Variants in TCF4 observed in about 807,000 individuals in gnomAD.
The protein encoded by TCF4 is transcription factor 4, also known as SL3-3 enhancer factor 2.
In TCF4, 3 loss-of-function variants were observed where a neutral mutation model predicts 82.1. The ratio of observed to expected loss-of-function variants is 0.04; its 90% CI spans 0.02 to 0.09. The LOEUF is 0.09. Ranked by LOEUF, TCF4 falls within the 10% of genes least tolerant of loss-of-function variation. The pLI, the probability that TCF4 is intolerant of heterozygous loss-of-function variation, is 1.00. For missense variants in TCF4, 518 were observed against 852.7 expected, an observed-to-expected ratio of 0.61 and a Z score of 4.89; for synonymous variants, 276 against 309.6, an observed-to-expected ratio of 0.89 and a Z score of 1.14.
At chr18:55,482,346 T>A (rs1291605899) in intron 3 of TCF4, 1 of 152,206 alleles carries the variant, frequency 6.6e-6, no homozygotes, top group Non-Finnish European at 1.5e-5. Context: ...ATGCATGGAT[T>A]TGCTTAGGCC....
intron 1 of TCF4, among the ~76,000 whole-genome samples, chr18:55,634,996 A>G (rs1368534575): frequency 6.6e-6 from 1 of 152,188 alleles, no homozygotes; most frequent in Non-Finnish European, 1.5e-5. Flanking sequence ...ATGACATCCA[A>G]ATGGAGGTGT....
At chr18:55,519,976 T>C (rs750677032) in intron 3 of TCF4, among the ~76,000 whole-genome samples, 2 of 152,208 alleles carry the variant, frequency 1.3e-5, no homozygotes, top group African/African-American at 4.8e-5. Flanking sequence ...TTTAGTGCTA[T>C]AAGAATCTTC....
At position 55,222,480 on chromosome 18, in the gene TCF4, C is replaced by T. The variant is rs1431968756; in HGVS notation, c.*5555G>A. ...TATCTGCAAACAGTCCAACCAAAAA[C>T]GAAAAAAAAAAAAATCCCAACATTT... On this transcript the variant is annotated 3_prime_UTR_variant, in exon 20 of 20. Transcript: ENST00000354452. 3.0e-5 allele frequency: 4 copies of T among 132,638 alleles called. No individual in the cohort carries two copies. Among genetic ancestry groups the T allele is most frequent in the South Asian group, 4.6e-4 (2 of 4,346 alleles). 8.2% of individuals were successfully genotyped at this position (132,638 alleles called of 1,614,324 possible). A position where few individuals can be genotyped will look rare whatever the true frequency, so the allele number is the denominator to read the frequency against.
intron 3 of TCF4, among the ~76,000 whole-genome samples, chr18:55,547,387 T>C (rs1331441727): frequency 1.3e-5 from 2 of 152,198 alleles, no homozygotes; most frequent in Admixed American, 6.5e-5. Context: ...CAATAAAACA[T>C]TCTGATGGGT....
chr18:55,485,413 A>G (rs2096499238), intron 3 of TCF4, among the ~76,000 whole-genome samples: 2 of 152,198 alleles, frequency 1.3e-5, no homozygotes, highest in South Asian at 2.1e-4. Flanking sequence ...GGATAAATCT[A>G]GACTTCATCT....
intron 6 of TCF4, among the ~76,000 whole-genome samples, chr18:55,357,918 T>C (rs112228870): frequency 1.2e-4 from 18 of 152,310 alleles, no homozygotes; most frequent in Non-Finnish European, 2.9e-5. Flanking sequence ...TGGGCGGAAA[T>C]TGAGATTATC....
At chr18:55,293,128 T>C (rs1045896692) in intron 8 of TCF4, among the ~76,000 whole-genome samples, 1 of 152,036 alleles carries the variant, frequency 6.6e-6, no homozygotes, top group Non-Finnish European at 1.5e-5. Context: ...ATTATGTGAC[T>C]TTCACCTCAA....
At chr18:55,495,551 A>G (rs1046102927) in intron 3 of TCF4, 2 of 152,180 alleles carry the variant, frequency 1.3e-5, no homozygotes, top group Admixed American at 1.3e-4. Flanking sequence ...TTATTAAAAG[A>G]AAAATGTGAA....
chr18:55,358,457 T>C (rs901265605), intron 6 of TCF4, among the ~76,000 whole-genome samples: 3 of 152,226 alleles, frequency 2.0e-5, no homozygotes, highest in Admixed American at 6.5e-5. Context: ...TCACAGTGTC[T>C]GCTAAGTGCC....
At chr18:55,272,455 CA>C (rs2060578485) in intron 10 of TCF4, among the ~76,000 whole-genome samples, 1 of 151,996 alleles carries the variant, frequency 6.6e-6, no homozygotes, top group Non-Finnish European at 1.5e-5. Flanking sequence ...AGGAGTGTGA[CA>C]AAGTGCGAGG....
intron 5 of TCF4, 120 bp downstream of exon 5, chr18:55,460,899 A>G: frequency 1.2e-6 from 1 of 830,968 alleles, no homozygotes; most frequent in Non-Finnish European, 2.0e-6. Context: ...GATTATTACA[A>G]GTGAACTGAC....
At chr18:55,350,567 A>T (rs1478010100) in intron 7 of TCF4, among the ~76,000 whole-genome samples, 159 bp from the exon 8 acceptor site, 1 of 152,180 alleles carries the variant, frequency 6.6e-6, no homozygotes, top group East Asian at 1.9e-4. Flanking sequence ...CAGAAATCAA[A>T]TTCTGCTTTG....
chr18:55,607,055 G>C (rs1051133714), intron 2 of TCF4, among the ~76,000 whole-genome samples: 1 of 152,146 alleles, frequency 6.6e-6, no homozygotes, highest in Non-Finnish European at 1.5e-5. Flanking sequence ...AGCACAGTAG[G>C]CACAATGGGT....
rs2097735827 is a variant in TCF4, at chr18:55,635,814, C to CT, written c.83dup (p.Met29AspfsTer6). 1 of 1,556,044 alleles carries CT rather than the reference C, an allele frequency of 6.4e-7. No individual in the cohort carries two copies. Reference sequence around the variant, plus strand: ...GCTGGCTTTCAACTGCACCCTCCATCTTTGAGTAATTTGTCAAAATGATGA... The same window carrying CT: ...GCTGGCTTTCAACTGCACCCTCCATCTTTTGAGTAATTTGTCAAAATGATGA... On this transcript the variant is annotated frameshift_variant, in exon 1 of 21. Transcript: ENST00000398339. LOFTEE classifies it high-confidence loss of function.
chr18:55,593,792 T>G (rs940221979), intron 2 of TCF4, among the ~76,000 whole-genome samples: 1 of 152,062 alleles, frequency 6.6e-6, no homozygotes, highest in East Asian at 1.9e-4. Flanking sequence ...ATCTACCTTG[T>G]GTCAGCAGCC....
chr18:55,635,689 A>G, intron 1 of TCF4: 1 of 1,544,310 alleles, frequency 6.5e-7, no homozygotes, highest in South Asian at 1.2e-5. Context: ...AGTAGCCCAA[A>G]TGCTGGTTCC....
chr18:55,521,617 T>C (rs1287356859), intron 3 of TCF4, among the ~76,000 whole-genome samples: 1 of 152,236 alleles, frequency 6.6e-6, no homozygotes, highest in East Asian at 1.9e-4. Flanking sequence ...ATAAAGGCCA[T>C]GTGCCTTCTG....
At chr18:55,497,876 C>T (rs1325854118) in intron 3 of TCF4, among the ~76,000 whole-genome samples, 1 of 152,168 alleles carries the variant, frequency 6.6e-6, no homozygotes. Context: ...AAACCTCTGA[C>T]ATCCACATGA....
intron 8 of TCF4, among the ~76,000 whole-genome samples, chr18:55,293,844 A>C: frequency 6.6e-6 from 1 of 150,512 alleles, no homozygotes; most frequent in East Asian, 2.0e-4. Flanking sequence ...CTAATAGTAT[A>C]ATATGGAGAG....
Sources: gnomAD v4.1 joint callset for allele counts (sites outside exome capture counted in the v4.1 genomes callset) on GRCh38, gnomAD v4.1.1 for gene constraint, MANE v1.5 for transcripts, NCBI Gene and HGNC (gene_info 2026-07-23, HGNC 2026-07-21) for gene names.